Variants in CFAP70 observed in about 807,000 individuals in gnomAD.
CFAP70 encodes the protein cilia and flagella associated protein 70.
In CFAP70, 81 loss-of-function variants were observed where a neutral mutation model predicts 137.6. That is an observed-to-expected ratio of 0.59 (90% CI 0.49 to 0.71). The LOEUF is 0.71. CFAP70 is among the 30% of genes least tolerant of loss of function. The pLI, the probability that CFAP70 is intolerant of heterozygous loss-of-function variation, is 0.00. For missense variants in CFAP70, 976 were observed against 1,226.7 expected (o/e 0.80, Z 3.05); for synonymous variants, 382 against 423.6 (o/e 0.90, Z 1.20).
At chr10:73,271,259 C>T (rs1031419130) in intron 24 of CFAP70, among the ~76,000 whole-genome samples, 3 of 152,202 alleles carry the variant, frequency 2.0e-5, no homozygotes, top group Admixed American at 6.5e-5. Context: ...CGCCTGTAAT[C>T]CCAGCACTTT....
intron 13 of CFAP70, 55 bp downstream of exon 14, chr10:73,299,550 G>A: frequency 7.2e-7 from 1 of 1,397,972 alleles, no homozygotes; most frequent in Non-Finnish European, 1.0e-6. Context: ...CAATTAACAA[G>A]TGCATGCACT....
At chr10:73,254,249 G>GT (rs2044245061) in intron 26 of CFAP70, 194 bp from the exon 28 acceptor site, 1 of 390,654 alleles carries the variant, frequency 2.6e-6, no homozygotes, top group African/African-American at 2.1e-5. Flanking sequence ...ACATGGATAT[G>GT]TTTACTTTGT....
At chr10:73,323,346 C>T (rs1284691794) in intron 8 of CFAP70, among the ~76,000 whole-genome samples, 2 of 150,408 alleles carry the variant, frequency 1.3e-5, no homozygotes, top group Admixed American at 1.3e-4. Context: ...GGGGGGCAGC[C>T]AAGATGGCCG....
intron 19 of CFAP70, among the ~76,000 whole-genome samples, chr10:73,288,348 C>A (rs887389844): frequency 6.6e-6 from 1 of 152,100 alleles, no homozygotes; most frequent in Non-Finnish European, 1.5e-5. Context: ...CAAAAAAATA[C>A]AGAAAGTGGC....
At chr10:73,287,257 A>C (rs1410386269) in intron 19 of CFAP70, among the ~76,000 whole-genome samples, 1 of 152,230 alleles carries the variant, frequency 6.6e-6, no homozygotes, top group Non-Finnish European at 1.5e-5. Flanking sequence ...CCTACACTAC[A>C]AATGTGTACA....
At position 73,279,556 on chromosome 10, in the gene CFAP70, AATAAATAAATAAATAT is replaced by A. The variant is rs767854353; in HGVS notation, c.2240-1235_2240-1220del. 5.9e-3 allele frequency among the ~76,000 whole-genome samples: 880 copies of A among 148,884 alleles called. 7 individuals are homozygous for A. The highest frequency in any genetic ancestry group is 0.02 in the African/African-American group (804 of 40,306). On this transcript the variant is annotated intron_variant, in intron 19 of 26. Coordinates refer to ENST00000310715, the Ensembl canonical transcript of CFAP70. The stretch of plus-strand genomic sequence containing the variant: ...AAATAAATAAATAAATAAATAAATA[AATAAATAAATAAATAT>A]AAGAAGTTGGGCGAGGTGACTCACG...
At chr10:73,353,723 G>C in exon 3 of CFAP70, 1 of 1,614,110 alleles carries the variant, frequency 6.2e-7, no homozygotes, top group Non-Finnish European at 8.5e-7. Flanking sequence ...GGTAACTGGA[G>C]TATCTCCTTT....
chr10:73,313,303 C>T (rs1244071150), intron 9 of CFAP70, among the ~76,000 whole-genome samples: 6 of 142,824 alleles, frequency 4.2e-5, no homozygotes, highest in South Asian at 2.2e-4. Flanking sequence ...ACCTGGGAGG[C>T]GGAGCTTGCA....
In CFAP70 at chr10:73,291,879, A is replaced by G; in HGVS notation, c.1904+2T>C. Reference sequence around the variant, plus strand: ...GATTCCTCATCTCCCTTCCACCTATACCTGTGGATATGACTCTGGTTGAGG... The same window carrying G: ...GATTCCTCATCTCCCTTCCACCTATGCCTGTGGATATGACTCTGGTTGAGG... On this transcript the variant is annotated splice_donor_variant, in intron 17 of 26. Transcript: ENST00000310715. LOFTEE classifies it high-confidence loss of function. The G allele has an allele frequency of 6.2e-7, 1 of 1,613,958 alleles. No homozygotes were observed. The highest frequency in any genetic ancestry group is 8.5e-7 in the Non-Finnish European group (1 of 1,179,984).
intron 3 of CFAP70, among the ~76,000 whole-genome samples, chr10:73,350,824 G>A (rs764593651): frequency 4.0e-5 from 6 of 151,404 alleles, no homozygotes; most frequent in Admixed American, 6.6e-5. Context: ...GCAGTGGTGC[G>A]CTCTCAGCTC....
At position 73,293,334 on chromosome 10, in the gene CFAP70, G is replaced by A. The variant is rs1285534189; in HGVS notation, c.1699C>T (p.Gln567Ter). The A allele has an allele frequency of 1.2e-6, 2 of 1,611,852 alleles. No individual in the cohort carries two copies. Among genetic ancestry groups the A allele is most frequent in the Non-Finnish European group, 1.7e-6 (2 of 1,179,378 alleles). ...GCTTCAAATGCAAAGAGTTGAAGCT[G>A]TTCACTGCTTGTATAAATGGTTGCA... The change falls in exon 16 of 27, where the codon CAG (glutamine) becomes TAG (stop). Residue 567 changes from glutamine (Q) to a stop codon, truncating the protein, a stop_gained. Transcript: ENST00000310715. LOFTEE classifies it high-confidence loss of function.
At chr10:73,360,512 A>T (rs981157549), upstream of CFAP70, among the ~76,000 whole-genome samples, 1 of 152,222 alleles carries the variant, frequency 6.6e-6, no homozygotes, top group Non-Finnish European at 1.5e-5. Flanking sequence ...ATTTCAAAAC[A>T]ATTAAAATAT....
chr10:73,253,907 C>T (rs1363697155), exon 27 of CFAP70: 5 of 1,292,828 alleles, frequency 3.9e-6, no homozygotes, highest in Non-Finnish European at 3.3e-6. Flanking sequence ...AGGCTTCATA[C>T]GGTAAAACTC....
intron 12 of CFAP70, among the ~76,000 whole-genome samples, chr10:73,307,598 A>G (rs1329549950): frequency 1.3e-5 from 2 of 152,204 alleles, no homozygotes; most frequent in Non-Finnish European, 2.9e-5. Flanking sequence ...TCAAATAAAA[A>G]GAGGGTACAA....
intron 3 of CFAP70, among the ~76,000 whole-genome samples, chr10:73,352,602 A>C (rs2054362141): frequency 6.6e-6 from 1 of 152,160 alleles, no homozygotes; most frequent in East Asian, 1.9e-4. Context: ...CCCAGGTCCC[A>C]AGTTTCCTTC....
At chr10:73,352,892 T>C in intron 3 of CFAP70, among the ~76,000 whole-genome samples, 1 of 152,250 alleles carries the variant, frequency 6.6e-6, no homozygotes, top group East Asian at 1.9e-4. Context: ...GTCCCATGAA[T>C]GATTCATAAG....
intron 3 of CFAP70, among the ~76,000 whole-genome samples, chr10:73,352,886 C>T (rs2054385586): frequency 6.6e-6 from 1 of 152,100 alleles, no homozygotes; most frequent in African/African-American, 2.4e-5. Context: ...TTATTTGTCC[C>T]ATGAATGATT....
intron 19 of CFAP70, among the ~76,000 whole-genome samples, chr10:73,281,536 G>C (rs566561536): frequency 2.2e-4 from 33 of 152,172 alleles, no homozygotes; most frequent in African/African-American, 7.7e-4. Flanking sequence ...ACTGCTGGCT[G>C]TCAGGGGTGT....
intron 12 of CFAP70, among the ~76,000 whole-genome samples, chr10:73,304,081 T>C (rs1015555576): frequency 6.6e-6 from 1 of 151,658 alleles, no homozygotes; most frequent in African/African-American, 2.4e-5. Context: ...TGAGACAGAG[T>C]TTTTTGCTCT....
Sources: allele counts gnomAD v4.1 joint callset (sites outside exome capture counted in the v4.1 genomes callset), GRCh38; gene constraint gnomAD v4.1.1; transcripts MANE v1.5; gene names NCBI Gene and HGNC (gene_info 2026-07-23, HGNC 2026-07-21).